Variants in GBE1 observed in about 807,000 individuals in gnomAD.
GBE1 encodes the protein 1,4-alpha-glucan branching enzyme 1.
A neutral mutation model predicts 88.8 loss-of-function variants in GBE1; 70 were observed. The observed-to-expected ratio is 0.79, with a 90% CI of 0.65 to 0.96. The LOEUF (loss-of-function observed/expected upper bound fraction) is 0.96. Among genes scored for constraint, GBE1 ranks in the 40% least tolerant of loss-of-function variants. The pLI is 0.00. For synonymous variants in GBE1, 284 were observed against 300.1 expected, an observed-to-expected ratio of 0.95 and a Z score of 0.56; for missense variants, 872 against 871.0, an observed-to-expected ratio of 1.00 and a Z score of -0.01.
At chr3:81,584,669 T>C (rs1478285268) in intron 10 of GBE1, among the ~76,000 whole-genome samples, 3 of 151,586 alleles carry the variant, frequency 2.0e-5, no homozygotes, top group Non-Finnish European at 1.5e-5. Context: ...CTATGATTAT[T>C]ATAGTTATCA....
Position 81,554,136 on chromosome 3 carries a change from CT to C in GBE1, c.1619-17042del, listed in dbSNP as rs537179505. 2.7e-3 allele frequency among the ~76,000 whole-genome samples: 404 copies of C among 152,030 alleles called. 1 individual carries two copies. The highest frequency in any genetic ancestry group is 5.6e-3 in the South Asian group (27 of 4,818). ...TTTTGATGTTGCATGGAACAGGAGA[CT>C]CAAAATACTCTATTGGGAGAAAATT... On this transcript the variant is annotated intron_variant, in intron 12 of 15. Coordinates refer to ENST00000429644, the MANE Select transcript of GBE1 (RefSeq NM_000158.4).
chr3:81,529,304 T>A (rs1702985531), intron 14 of GBE1, among the ~76,000 whole-genome samples: 1 of 152,060 alleles, frequency 6.6e-6, no homozygotes, highest in Non-Finnish European at 1.5e-5. Flanking sequence ...TATCTTATTA[T>A]AATTTTGTCT....
chr3:81,699,486 T>C (rs1476836558), intron 2 of GBE1, among the ~76,000 whole-genome samples: 3 of 152,096 alleles, frequency 2.0e-5, no homozygotes, highest in Non-Finnish European at 4.4e-5. Context: ...AGGATAGATA[T>C]ATAAAGGGGA....
chr3:81,610,665 G>A (rs1014685117), intron 7 of GBE1, among the ~76,000 whole-genome samples: 3 of 152,062 alleles, frequency 2.0e-5, no homozygotes, highest in Non-Finnish European at 2.9e-5. Context: ...TCTCTGAAGC[G>A]CCAAGGCTTG....
At chr3:81,561,304 A>C (rs1388573615) in intron 12 of GBE1, among the ~76,000 whole-genome samples, 1 of 152,092 alleles carries the variant, frequency 6.6e-6, no homozygotes, top group Non-Finnish European at 1.5e-5. Flanking sequence ...TCATGGACTA[A>C]AACAATTTTC....
chr3:81,621,603 C>T (rs564603364), intron 7 of GBE1, among the ~76,000 whole-genome samples: 6 of 152,238 alleles, frequency 3.9e-5, no homozygotes, highest in African/African-American at 1.4e-4. Flanking sequence ...ATCTTTTGTA[C>T]CTACTATCCT....
intron 7 of GBE1, among the ~76,000 whole-genome samples, chr3:81,613,671 T>C (rs1576170133): frequency 6.6e-6 from 1 of 152,330 alleles, no homozygotes; most frequent in East Asian, 1.9e-4. Context: ...AATTGTGATA[T>C]CTGACAGACA....
chr3:81,510,776 C>A (rs1163370986), intron 14 of GBE1, among the ~76,000 whole-genome samples: 2 of 151,978 alleles, frequency 1.3e-5, no homozygotes, highest in African/African-American at 4.8e-5. Flanking sequence ...AACACACATG[C>A]ACGGGGATAT....
At chr3:81,613,131 T>C in intron 7 of GBE1, 1 of 392,086 alleles carries the variant, frequency 2.6e-6, no homozygotes, top group Non-Finnish European at 4.4e-6. Context: ...CTCCAGTCCT[T>C]GGGAGCAAGC....
At chr3:81,701,459 T>C (rs1705684561) in intron 2 of GBE1, among the ~76,000 whole-genome samples, 2 of 152,078 alleles carry the variant, frequency 1.3e-5, no homozygotes. Flanking sequence ...AAATGCCTTT[T>C]GAAATTAACA....
intron 2 of GBE1, among the ~76,000 whole-genome samples, chr3:81,698,731 T>C (rs551213519): frequency 3.6e-4 from 55 of 152,272 alleles, no homozygotes; most frequent in African/African-American, 1.2e-3. Flanking sequence ...ATACCTGTAG[T>C]AGACTATAGT....
chr3:81,720,295 T>A (rs1487684229), intron 1 of GBE1, among the ~76,000 whole-genome samples: 1 of 151,380 alleles, frequency 6.6e-6, no homozygotes, highest in Admixed American at 6.6e-5. Context: ...TCACATTGTA[T>A]AACATATGCA....
At chr3:81,663,113 G>C (rs1024378761) in intron 3 of GBE1, among the ~76,000 whole-genome samples, 8 of 152,164 alleles carry the variant, frequency 5.3e-5, no homozygotes, top group East Asian at 1.9e-4. Context: ...ATACAGAAGA[G>C]GGAAGGGAAG....
At chr3:81,690,532 C>T (rs1269059401) in intron 2 of GBE1, among the ~76,000 whole-genome samples, 1 of 152,122 alleles carries the variant, frequency 6.6e-6, no homozygotes, top group Non-Finnish European at 1.5e-5. Context: ...CATGTACATG[C>T]CTGTTTAAAA....
intron 12 of GBE1, among the ~76,000 whole-genome samples, chr3:81,554,498 T>A (rs1444548821): frequency 6.6e-6 from 1 of 152,202 alleles, no homozygotes; most frequent in African/African-American, 2.4e-5. Context: ...TGTGCTACTT[T>A]GTTTGCCTAT....
intron 3 of GBE1, chr3:81,654,751 T>C (rs1704906596): frequency 6.6e-6 from 1 of 152,232 alleles, no homozygotes; most frequent in Admixed American, 6.5e-5. Flanking sequence ...TGATTTCTAA[T>C]TTATAGAAAA....
chr3:81,739,123 C>A (rs531340769), intron 1 of GBE1, among the ~76,000 whole-genome samples: 1 of 152,092 alleles, frequency 6.6e-6, no homozygotes. Flanking sequence ...GATCTAAACA[C>A]CGCTCAAAGG....
intron 7 of GBE1, among the ~76,000 whole-genome samples, chr3:81,620,884 C>T (rs1023028576): frequency 2.0e-5 from 3 of 151,994 alleles, no homozygotes; most frequent in African/African-American, 7.3e-5. Flanking sequence ...TAAGATAGTC[C>T]ATAAAGCAGA....
intron 3 of GBE1, among the ~76,000 whole-genome samples, chr3:81,666,316 T>C (rs955347816): frequency 1.3e-5 from 2 of 152,216 alleles, no homozygotes; most frequent in Non-Finnish European, 1.5e-5. Flanking sequence ...TTAATGATTA[T>C]AAGAAGGGCT....
Sources: allele counts gnomAD v4.1 joint callset (sites outside exome capture counted in the v4.1 genomes callset), GRCh38; gene constraint gnomAD v4.1.1; transcripts MANE v1.5; gene names NCBI Gene and HGNC (gene_info 2026-07-23, HGNC 2026-07-21).